Variants in GMPR observed in about 807,000 individuals in gnomAD.
GMPR encodes the protein guanosine monophosphate reductase, also known as GMP reductase 1.
In GMPR, 31 loss-of-function variants were observed where a neutral mutation model predicts 38.4. That is an observed-to-expected ratio of 0.81 (90% CI 0.61 to 1.09). The LOEUF is 1.09. Among genes scored for constraint, GMPR ranks in the 50% least tolerant of loss-of-function variants. GMPR has a pLI of 0.00. For synonymous variants in GMPR, 162 were observed against 173.3 expected, an observed-to-expected ratio of 0.93 and a Z score of 0.51; for missense variants, 468 against 453.7, an observed-to-expected ratio of 1.03 and a Z score of -0.29.
At chr6:16,247,008 G>A (rs773708499) in intron 2 of GMPR, 47 bp downstream of exon 2, 1 of 1,593,368 alleles carries the variant, frequency 6.3e-7, no homozygotes, top group Non-Finnish European at 8.6e-7. Context: ...TCACACTGTG[G>A]ACAGGTTATC....
At chr6:16,267,443 G>A (rs191123862) in intron 4 of GMPR, among the ~76,000 whole-genome samples, 618 of 151,928 alleles carry the variant, frequency 4.1e-3, no homozygotes, top group South Asian at 7.9e-3. Context: ...ACCACGAACC[G>A]TCCGGGAGGA....
chr6:16,244,603 G>C (rs9396656), intron 1 of GMPR, among the ~76,000 whole-genome samples: 66,283 of 151,876 alleles, frequency 0.44, 15,514 homozygotes, highest in East Asian at 0.75. Context: ...GTTTGTGGGT[G>C]GGGGAGGGGA....
intron 3 of GMPR, among the ~76,000 whole-genome samples, chr6:16,253,433 GA>G (rs1758912686): frequency 6.6e-6 from 1 of 152,180 alleles, no homozygotes; most frequent in Non-Finnish European, 1.5e-5. Context: ...AAGGCCTTGG[GA>G]AGCTTCCAAT....
intron 8 of GMPR, among the ~76,000 whole-genome samples, 199 bp from the exon 9 acceptor site, chr6:16,294,807 C>T (rs13215954): frequency 6.6e-6 from 1 of 151,962 alleles, no homozygotes; most frequent in Admixed American, 6.6e-5. Flanking sequence ...GCCCTTTGGG[C>T]GGGAGGAATG....
intron 4 of GMPR, among the ~76,000 whole-genome samples, chr6:16,273,089 T>C (rs1759412603): frequency 6.6e-6 from 1 of 152,246 alleles, no homozygotes; most frequent in Non-Finnish European, 1.5e-5. Flanking sequence ...TTAATCTACC[T>C]CTAGTCCTCT....
At position 16,238,724 on chromosome 6, in the gene GMPR, G is replaced by A. The variant is rs1414215092; in HGVS notation, c.31G>A (p.Asp11Asn). ...CCGCATAGATGCGGACCTCAAGCTC[G>A]ACTTCAAGGATGTCCTGCTCCGACC... Reference protein sequence around the residue: MPRIDADLKLDFKDVLLRPKR... With the variant: MPRIDADLKLNFKDVLLRPKR... The change falls in exon 1 of 9, where the codon GAC becomes AAC. Residue 11 changes from aspartate to asparagine, a missense_variant. By Grantham distance (23) the Asp-to-Asn change is conservative (BLOSUM62 1). Coordinates refer to ENST00000259727, the MANE Select transcript of GMPR (RefSeq NM_006877.4). The A allele has an allele frequency of 1.4e-6, 2 of 1,444,590 alleles. No individual in the cohort carries two copies. The highest frequency in any genetic ancestry group is 1.8e-6 in the Non-Finnish European group (2 of 1,086,164). 89.5% of individuals were successfully genotyped at this position (1,444,590 alleles called of 1,614,324 possible).
chr6:16,276,517 T>A (rs562297032), intron 5 of GMPR, among the ~76,000 whole-genome samples: 1 of 152,132 alleles, frequency 6.6e-6, no homozygotes, highest in East Asian at 1.9e-4. Context: ...ACTACACTTG[T>A]TTTCTTCTTG....
In GMPR at chr6:16,295,108, G is replaced by A; in HGVS notation, c.960G>A (p.Gly320=). 4 of 1,578,986 alleles carry A rather than the reference G, an allele frequency of 2.5e-6. No homozygotes were observed. The highest frequency in any genetic ancestry group is 3.4e-6 in the Non-Finnish European group (4 of 1,168,368). Residue 320 remains glycine (G), a synonymous_variant, in exon 9 of 9, where the codon GGG becomes GGA. Transcript: ENST00000259727. The stretch of plus-strand genomic sequence containing the variant: ...TGAGGTCCACGTGCACCTACGTGGG[G>A]GCCGCCAAACTCAAGGAGCTCAGCA... ...GGLRSTCTYV[G]AAKLKELSRR...
At chr6:16,268,546 T>C (rs1355555343) in intron 4 of GMPR, among the ~76,000 whole-genome samples, 3 of 152,194 alleles carry the variant, frequency 2.0e-5, no homozygotes, top group Non-Finnish European at 4.4e-5. Flanking sequence ...TCCCAAAGTG[T>C]TGGGATTACA....
intron 4 of GMPR, among the ~76,000 whole-genome samples, chr6:16,259,633 C>CTGTT (rs1303528842): frequency 6.6e-6 from 1 of 151,742 alleles, no homozygotes; most frequent in Non-Finnish European, 1.5e-5. Flanking sequence ...TATTGTGGGA[C>CTGTT]TGTTAGAAGA....
chr6:16,266,860 G>A (rs958296532), intron 4 of GMPR, among the ~76,000 whole-genome samples: 11 of 151,620 alleles, frequency 7.3e-5, no homozygotes, highest in African/African-American at 2.2e-4. Context: ...TGAAGTCAGC[G>A]AGACCACGAA....
chr6:16,239,486 T>G (rs1758603673), intron 1 of GMPR, among the ~76,000 whole-genome samples: 1 of 152,204 alleles, frequency 6.6e-6, no homozygotes, highest in Non-Finnish European at 1.5e-5. Context: ...GGACTGGAAA[T>G]AGCCTGAGGC....
At chr6:16,261,377 G>A (rs1759083029) in intron 4 of GMPR, among the ~76,000 whole-genome samples, 1 of 149,542 alleles carries the variant, frequency 6.7e-6, no homozygotes, top group Non-Finnish European at 1.5e-5. Flanking sequence ...GTACAGCCCA[G>A]GTAATTTGCT....
chr6:16,255,630 A>C (rs1758957886), intron 4 of GMPR, among the ~76,000 whole-genome samples: 1 of 152,232 alleles, frequency 6.6e-6, no homozygotes, highest in Non-Finnish European at 1.5e-5. Context: ...ATGGATTGGC[A>C]GAAAAAGGGA....
chr6:16,267,133 G>A (rs1417837265), intron 4 of GMPR, among the ~76,000 whole-genome samples: 1 of 151,938 alleles, frequency 6.6e-6, no homozygotes, highest in African/African-American at 2.4e-5. Context: ...GGAGGCCGAG[G>A]TGGGCGGATC....
At chr6:16,265,671 A>G (rs1034832877) in intron 4 of GMPR, among the ~76,000 whole-genome samples, 1 of 145,474 alleles carries the variant, frequency 6.9e-6, no homozygotes, top group Non-Finnish European at 1.6e-5. Flanking sequence ...CGCTGTGTCT[A>G]GCTAAACGCA....
chr6:16,288,742 A>C (rs1295054410), intron 7 of GMPR, among the ~76,000 whole-genome samples: 1 of 152,176 alleles, frequency 6.6e-6, no homozygotes, highest in African/African-American at 2.4e-5. Flanking sequence ...GACGTGGAGA[A>C]CCTTTATGTC....
chr6:16,247,435 C>T (rs1455981088), intron 2 of GMPR, among the ~76,000 whole-genome samples: 2 of 151,022 alleles, frequency 1.3e-5, no homozygotes, highest in Non-Finnish European at 2.9e-5. Flanking sequence ...AGTACAGTGA[C>T]GTGATCTTGG....
intron 1 of GMPR, among the ~76,000 whole-genome samples, chr6:16,242,426 TTTA>T (rs1758668574): frequency 1.3e-5 from 2 of 152,060 alleles, no homozygotes; most frequent in Admixed American, 1.3e-4. Flanking sequence ...GTAACAAGAA[TTTA>T]TTATCTTACA....
Sources: gnomAD v4.1 joint callset for allele counts (sites outside exome capture counted in the v4.1 genomes callset) on GRCh38, gnomAD v4.1.1 for gene constraint, MANE v1.5 for transcripts, NCBI Gene and HGNC (gene_info 2026-07-23, HGNC 2026-07-21) for gene names.